Variants in EXOSC9 observed in about 807,000 individuals in gnomAD.
EXOSC9 encodes the protein exosome complex component RRP45.
A neutral mutation model predicts 56.5 loss-of-function variants in EXOSC9; 38 were observed. That is an observed-to-expected ratio of 0.67 (90% CI 0.52 to 0.88). EXOSC9 has a LOEUF of 0.88. Among genes scored for constraint, EXOSC9 ranks in the 40% least tolerant of loss-of-function variants. The probability of loss-of-function intolerance (pLI) is 0.00; values close to 1 mark genes in which losing one functional copy is unlikely to be tolerated. For synonymous variants in EXOSC9, 170 were observed against 170.8 expected, an observed-to-expected ratio of 0.99 and a Z score of 0.04; for missense variants, 559 against 530.5, an observed-to-expected ratio of 1.05 and a Z score of -0.53.
chr4:121,810,415 T>TA (rs1224344017), intron 7 of EXOSC9, among the ~76,000 whole-genome samples: 11 of 149,922 alleles, frequency 7.3e-5, no homozygotes, highest in Admixed American at 3.3e-4. Flanking sequence ...CATGTTGGCT[T>TA]ACGCCTGTAA....
At chr4:121,803,652 C>T (rs769654959) in intron 4 of EXOSC9, among the ~76,000 whole-genome samples, 1 of 152,068 alleles carries the variant, frequency 6.6e-6, no homozygotes, top group Non-Finnish European at 1.5e-5. Context: ...GCGATTCTCC[C>T]ACTCAGCTTT....
At chr4:121,813,681 C>T (rs1724337364) in intron 9 of EXOSC9, 185 bp from the exon 10 acceptor site, 1 of 530,468 alleles carries the variant, frequency 1.9e-6, no homozygotes, top group African/African-American at 1.9e-5. Context: ...TCCATAAAAT[C>T]TTGCCTGAGT....
At chr4:121,804,798 A>G (rs746947013) in intron 5 of EXOSC9, 39 bp downstream of exon 5, 5 of 1,513,058 alleles carry the variant, frequency 3.3e-6, no homozygotes, top group Non-Finnish European at 4.5e-6. Context: ...GATATGAATG[A>G]ATGAGGAGGG....
chr4:121,801,592 A>G (rs1304871042), intron 1 of EXOSC9, 102 bp downstream of exon 1: 4 of 1,083,792 alleles, frequency 3.7e-6, no homozygotes, highest in Non-Finnish European at 5.7e-6. Flanking sequence ...TACTAGGGGA[A>G]CGACCGGCAC....
chr4:121,815,841 A>G (rs1481835783), intron 10 of EXOSC9: 1 of 1,084,128 alleles, frequency 9.2e-7, no homozygotes, highest in Non-Finnish European at 1.1e-6. Flanking sequence ...TTCTATTATG[A>G]CATGTACCAA....
intron 5 of EXOSC9, among the ~76,000 whole-genome samples, chr4:121,805,915 C>T (rs1383729533): frequency 6.6e-6 from 1 of 151,312 alleles, no homozygotes; most frequent in East Asian, 1.9e-4. Flanking sequence ...AAGCAATCCT[C>T]CCACCTCAGT....
intron 9 of EXOSC9, chr4:121,813,658 C>T: frequency 1.9e-6 from 1 of 531,862 alleles, no homozygotes; most frequent in Non-Finnish European, 3.3e-6. Context: ...CTTCACATTT[C>T]TTATTAATTG....
intron 5 of EXOSC9, among the ~76,000 whole-genome samples, chr4:121,805,711 A>G (rs1726998172): frequency 6.6e-6 from 1 of 152,240 alleles, no homozygotes; most frequent in Admixed American, 6.5e-5. Context: ...AAAATGGTAC[A>G]GCCATGTTGG....
Position 121,807,553 on chromosome 4 carries a change from A to C in EXOSC9, c.536A>C (p.Glu179Ala), listed in dbSNP as rs1223988384. 3.7e-6 allele frequency: 6 copies of C among 1,610,410 alleles called. No individual in the cohort carries two copies. Among genetic ancestry groups the C allele is most frequent in the Non-Finnish European group, 5.1e-6 (6 of 1,176,750 alleles). The change falls in exon 6 of 12, where the codon GAG becomes GCG. Residue 179 changes from glutamate (E) to alanine (A), a missense_variant. Coordinates refer to ENST00000243498, the MANE Select transcript of EXOSC9 (RefSeq NM_005033.3). ...GDEVTLYTPE[E>A]RDPVPLSIHH... ...CTTTTGAAACAGTATACACCTGAAGAGCGTGATCCTGTACCATTAAGTATC... is the reference window on the plus strand; with the variant it reads ...CTTTTGAAACAGTATACACCTGAAGCGCGTGATCCTGTACCATTAAGTATC...
chr4:121,802,759 T>C lies in EXOSC9; in HGVS notation c.247T>C (p.Ser83Pro). ...TATTCTTTTTTTTAACCTTGAACTCTCTCAGATGGCCGCTCCAGCTTTCGA... is the reference window on the plus strand; with the variant it reads ...TATTCTTTTTTTTAACCTTGAACTCCCTCAGATGGCCGCTCCAGCTTTCGA... ...EGILFFNLEL[S>P]QMAAPAFEPG... is the part of the protein sequence containing the mutation. The change falls in exon 3 of 12, where the codon TCT becomes CCT. Residue 83 changes from serine (S) to proline (P), a missense_variant. Coordinates refer to ENST00000243498, the MANE Select transcript of EXOSC9 (RefSeq NM_005033.3). 1 of 1,614,142 alleles carries C rather than the reference T, an allele frequency of 6.2e-7. No homozygotes were observed. The highest frequency in any genetic ancestry group is 1.1e-5 in the South Asian group (1 of 91,076).
intron 6 of EXOSC9, chr4:121,807,824 ATAC>A (rs1727069626): frequency 1.7e-6 from 1 of 587,536 alleles, no homozygotes; most frequent in Non-Finnish European, 3.0e-6. Flanking sequence ...TTTGATGAAG[ATAC>A]TTCCCAACAT....
intron 9 of EXOSC9, 120 bp downstream of exon 9, chr4:121,813,500 A>G (rs1724332914): frequency 1.2e-6 from 1 of 820,014 alleles, no homozygotes; most frequent in African/African-American, 1.9e-5. Context: ...ACTTTGTTAG[A>G]GAAAACACTT....
intron 6 of EXOSC9, among the ~76,000 whole-genome samples, chr4:121,808,850 T>C (rs1338614934): frequency 6.6e-6 from 1 of 151,904 alleles, no homozygotes; most frequent in Non-Finnish European, 1.5e-5. Context: ...AATTTCTTTA[T>C]TTTTTGTAGA....
At position 121,813,331 on chromosome 4, in the gene EXOSC9, G is replaced by A. The variant is rs763006694; in HGVS notation, c.925G>A (p.Glu309Lys). Residue 309 changes from glutamate (E) to lysine (K), a missense_variant, in exon 9 of 12, where the codon GAA becomes AAA. Physicochemically the swap from Glu to Lys is moderately conservative, Grantham distance 56. Transcript: ENST00000243498. ...GGCCCCTATTGATACCTCGGATGTAGAAGAAAAAGCAGAAGAAATCATTGC... is the reference window on the plus strand; with the variant it reads ...GGCCCCTATTGATACCTCGGATGTAAAAGAAAAAGCAGAAGAAATCATTGC... ...EKAPIDTSDV[E>K]EKAEEIIAEA... 2 of 1,613,770 alleles carry A rather than the reference G, an allele frequency of 1.2e-6. No individual in the cohort carries two copies. The highest frequency in any genetic ancestry group is 1.7e-5 in the Admixed American group (1 of 59,958).
Position 121,807,610 on chromosome 4 carries a change from T to G in EXOSC9, c.593T>G (p.Phe198Cys), listed in dbSNP as rs1727062370. Residue 198 changes from phenylalanine (F) to cysteine (C), a missense_variant, in exon 6 of 12, where the codon TTT becomes TGT. Transcript: ENST00000243498. ...HHMPICVSFA[F>C]FQQGTYLLVD... Reference sequence around the variant, plus strand: ...ATGCCCATTTGTGTCAGTTTTGCCTTTTTCCAGCAAGGGTAAGCCTCGCCT... The same window carrying G: ...ATGCCCATTTGTGTCAGTTTTGCCTGTTTCCAGCAAGGGTAAGCCTCGCCT... 6.2e-7 allele frequency: 1 copy of G among 1,611,508 alleles called. No homozygotes were observed. The highest frequency in any genetic ancestry group is 8.5e-7 in the Non-Finnish European group (1 of 1,177,774).
At chr4:121,807,427 G>T in intron 5 of EXOSC9, 113 bp from the exon 6 acceptor site, 1 of 534,252 alleles carries the variant, frequency 1.9e-6, no homozygotes. Context: ...AAGTTATTTA[G>T]GTACTCAAAA....
chr4:121,816,546 CAA>C lies in EXOSC9; in HGVS notation c.1235+103_1235+104del, dbSNP rs568877013. ...TCTCATCTTGCCACATGACTATAAA[CAA>C]AAAGACATCCCTTTTTCATTAGAGA... On this transcript the variant is annotated intron_variant, in intron 11 of 11. Coordinates refer to ENST00000243498, the MANE Select transcript of EXOSC9 (RefSeq NM_005033.3). 1,834 of 872,422 alleles carry C rather than the reference CAA, an allele frequency of 2.1e-3. 57 individuals are homozygous for C. In the East Asian group the frequency reaches 0.044, roughly 21 times the overall value. The allele number at this position is 872,422 out of a possible 1,614,324, so 54.0% of individuals were successfully genotyped here.
At chr4:121,805,867 G>A (rs555305855) in intron 5 of EXOSC9, among the ~76,000 whole-genome samples, 14 of 150,156 alleles carry the variant, frequency 9.3e-5, no homozygotes, top group East Asian at 3.9e-4. Flanking sequence ...GTGCAGTGGC[G>A]TGATCTCGGC....
In EXOSC9 at chr4:121,816,845, G is replaced by A. The variant is rs1724535059; in HGVS notation, c.1309G>A (p.Ala437Thr). Residue 437 changes from alanine (A) to threonine (T), a missense_variant, in exon 12 of 12, where the codon GCT becomes ACT. Coordinates refer to ENST00000243498, the MANE Select transcript of EXOSC9 (RefSeq NM_005033.3). ...AGTGAAAAGAAGAAAAAAGAAGAGA[G>A]CTGCCAATTAAAGCTAACAGTTGTA... ...KPVKRRKKKR[A>T]AN 6.3e-7 allele frequency: 1 copy of A among 1,588,906 alleles called. No individual in the cohort carries two copies.
Sources: allele counts gnomAD v4.1 joint callset (sites outside exome capture counted in the v4.1 genomes callset), GRCh38; gene constraint gnomAD v4.1.1; transcripts MANE v1.5; gene names NCBI Gene and HGNC (gene_info 2026-07-23, HGNC 2026-07-21).